The following KLB variants were observed in gnomAD, a reference collection of about 807,000 sequenced individuals.
KLB encodes the protein beta-klotho.
KLB carries 44 observed loss-of-function variants against 88.4 expected under a neutral mutation model. That is an observed-to-expected ratio of 0.50 (90% CI 0.39 to 0.64). KLB has a LOEUF of 0.64. Among genes scored for constraint, KLB ranks in the 30% least tolerant of loss-of-function variants. The probability of loss-of-function intolerance (pLI) is 0.00; values close to 1 mark genes in which losing one functional copy is unlikely to be tolerated. For synonymous variants in KLB, 548 were observed against 513.4 expected, an observed-to-expected ratio of 1.07 and a Z score of -0.91; for missense variants, 1,137 against 1,304.8, an observed-to-expected ratio of 0.87 and a Z score of 1.98.
chr4:39,446,315 G>A lies in KLB; in HGVS notation c.1606-17G>A. On this transcript the variant is annotated splice_polypyrimidine_tract_variant and intron_variant, in intron 3 of 4. Coordinates refer to ENST00000257408, the MANE Select transcript of KLB (RefSeq NM_175737.4). This position sits in a 1 kb window ranked among gnomAD's most constrained non-coding sequence, Gnocchi z 6.4. ...CTGCCAGCGCATGCTTGACCTAAAT[G>A]AGCTTGTTTTTCACAGCCCGAGTCT... 6.2e-7 allele frequency: 1 copy of A among 1,606,566 alleles called. No individual in the cohort carries two copies. The highest frequency in any genetic ancestry group is 8.5e-7 in the Non-Finnish European group (1 of 1,176,386).
At chr4:39,407,815 C>A in intron 1 of KLB, 41 bp downstream of exon 1, 1 of 1,196,954 alleles carries the variant, frequency 8.4e-7, no homozygotes, top group East Asian at 2.4e-5. Flanking sequence ...TCAGAAAACA[C>A]TAAGAATTTA....
At position 39,446,830 on chromosome 4, in the gene KLB, A is replaced by G. The variant is rs746695765; in HGVS notation, c.2104A>G (p.Asn702Asp). 1.9e-5 allele frequency: 30 copies of G among 1,612,698 alleles called. No homozygotes were observed. Among genetic ancestry groups the G allele is most frequent in the Middle Eastern group, 1.6e-4 (1 of 6,082 alleles). The change falls in exon 4 of 5, where the codon AAC (asparagine) becomes GAC (aspartate). Residue 702 changes from asparagine to aspartate, a missense_variant. By Grantham distance (23) the Asn-to-Asp change is conservative. Coordinates refer to ENST00000257408, the MANE Select transcript of KLB (RefSeq NM_175737.4). This position sits in a 1 kb window ranked among gnomAD's most constrained non-coding sequence, Gnocchi z 6.4. ...GCCTAACCGGCTAAGTGACATCTACAACCGCTCTGGCAACGACACCTACGG... is the reference window on the plus strand; with the variant it reads ...GCCTAACCGGCTAAGTGACATCTACGACCGCTCTGGCAACGACACCTACGG... ...NEPNRLSDIY[N>D]RSGNDTYGAA...
At chr4:39,425,356 AT>A (rs1201076628) in intron 1 of KLB, among the ~76,000 whole-genome samples, 2 of 152,396 alleles carry the variant, frequency 1.3e-5, no homozygotes, top group African/African-American at 2.4e-5. Context: ...AGGAACAAAT[AT>A]GCTAGAGTTT....
intron 2 of KLB, 109 bp downstream of exon 2, chr4:39,434,829 C>G: frequency 1.2e-6 from 1 of 850,080 alleles, no homozygotes. Context: ...TTTTTTGAAA[C>G]GGAGTTTCTC....
In KLB at chr4:39,451,170, A is replaced by T. The variant is rs1441893350; in HGVS notation, c.*2484A>T. 6.6e-6 allele frequency: 1 copy of T among 152,198 alleles called. No homozygotes were observed. Among genetic ancestry groups the T allele is most frequent in the African/African-American group, 2.4e-5 (1 of 41,452 alleles). 9.4% of individuals were successfully genotyped at this position (152,198 alleles called of 1,614,324 possible). A position where few individuals can be genotyped will look rare whatever the true frequency, so the allele number is the denominator to read the frequency against. On this transcript the variant is annotated 3_prime_UTR_variant, in exon 5 of 5. Coordinates refer to ENST00000257408, the MANE Select transcript of KLB (RefSeq NM_175737.4). ...TCGCACAAGAATCCAAAAACCCTTA[A>T]ATTTTTTAACCACTGGCAAATATGT...
intron 1 of KLB, among the ~76,000 whole-genome samples, chr4:39,428,229 C>G (rs942418651): frequency 6.6e-6 from 1 of 152,116 alleles, no homozygotes; most frequent in Non-Finnish European, 1.5e-5. Flanking sequence ...GAGTTCAAGA[C>G]CAGCTTGGCC....
Position 39,448,303 on chromosome 4 carries a change from T to C in KLB, c.2752T>C (p.Tyr918His), listed in dbSNP as rs1311586223. 1.9e-6 allele frequency: 3 copies of C among 1,579,364 alleles called. No individual in the cohort carries two copies. The highest frequency in any genetic ancestry group is 1.7e-6 in the Non-Finnish European group (2 of 1,160,376). The stretch of plus-strand genomic sequence containing the variant: ...TGTTAATTTCTTATCTTTTTCAGCA[T>C]ACCTGATTGATAAAGTCAGAATCAA... The part of the protein sequence containing the change: ...GKYLQEVLKA[Y>H]LIDKVRIKGY... The change falls in exon 5 of 5, where the codon TAC becomes CAC. Residue 918 changes from tyrosine (Y) to histidine (H), a missense_variant and splice_region_variant. Coordinates refer to ENST00000257408, the MANE Select transcript of KLB (RefSeq NM_175737.4).
chr4:39,433,913 A>G (rs774058328), intron 1 of KLB, among the ~76,000 whole-genome samples: 1 of 152,166 alleles, frequency 6.6e-6, no homozygotes, highest in Non-Finnish European at 1.5e-5. Flanking sequence ...CTTCTTATGT[A>G]GAGGAGGAAA....
chr4:39,419,009 A>G (rs1257705323), intron 1 of KLB, among the ~76,000 whole-genome samples: 3 of 152,032 alleles, frequency 2.0e-5, no homozygotes, highest in Admixed American at 1.3e-4. Flanking sequence ...ATTATTATAG[A>G]TGTTTTAAAC....
At chr4:39,411,163 C>T (rs1163579397) in intron 1 of KLB, among the ~76,000 whole-genome samples, 1 of 151,770 alleles carries the variant, frequency 6.6e-6, no homozygotes, top group Non-Finnish European at 1.5e-5. Context: ...AAGCGGGAGC[C>T]TCAGCCTCCC....
intron 3 of KLB, among the ~76,000 whole-genome samples, chr4:39,442,457 A>G (rs916270924): frequency 5.6e-5 from 8 of 142,916 alleles, no homozygotes; most frequent in African/African-American, 7.9e-5. Context: ...TTTTTGAGAC[A>G]GAGCCTTGCT....
At position 39,437,541 on chromosome 4, in the gene KLB, A is replaced by G. The variant is rs141272102; in HGVS notation, c.1337-186A>G. Among the ~76,000 whole-genome samples the G allele has an allele frequency of 1.9e-3, 290 of 152,334 alleles. 2 individuals carry two copies. Among genetic ancestry groups the G allele is most frequent in the African/African-American group, 6.5e-3 (271 of 41,566 alleles). On this transcript the variant is annotated intron_variant, in intron 2 of 4. Coordinates refer to ENST00000257408, the MANE Select transcript of KLB (RefSeq NM_175737.4). ...GGAGTGGGGGGATCAGGAGATACCAATCTGGATGATAGTAATTGCCACTTT... is the reference window on the plus strand; with the variant it reads ...GGAGTGGGGGGATCAGGAGATACCAGTCTGGATGATAGTAATTGCCACTTT...
intron 1 of KLB, among the ~76,000 whole-genome samples, chr4:39,427,574 G>A (rs566812735): frequency 6.6e-6 from 1 of 151,914 alleles, no homozygotes; most frequent in Non-Finnish European, 1.5e-5. Flanking sequence ...ATCCCAAAAG[G>A]ACAACGAGTA....
At chr4:39,430,785 A>C (rs1743340949) in intron 1 of KLB, among the ~76,000 whole-genome samples, 1 of 146,670 alleles carries the variant, frequency 6.8e-6, no homozygotes, top group Non-Finnish European at 1.5e-5. Flanking sequence ...ATTTTTTTTT[A>C]GTAGAGAAGA....
chr4:39,409,178 T>C (rs1024067153), intron 1 of KLB, among the ~76,000 whole-genome samples: 14 of 152,106 alleles, frequency 9.2e-5, no homozygotes, highest in African/African-American at 2.4e-4. Context: ...GTGGGTATAC[T>C]GTGATTTGAC....
chr4:39,446,646 C>A lies in KLB; in HGVS notation c.1920C>A (p.Thr640=), dbSNP rs768449052. Residue 640 remains threonine, a synonymous_variant, in exon 4 of 5, where the codon ACC becomes ACA. Transcript: ENST00000257408. This position sits in a 1 kb window ranked among gnomAD's most constrained non-coding sequence, Gnocchi z 6.4. ...AGCTTGGCATCTCCGCGATGGTCACCCTGTATTATCCGACCCACGCCCACC... is the reference window on the plus strand; with the variant it reads ...AGCTTGGCATCTCCGCGATGGTCACACTGTATTATCCGACCCACGCCCACC... ...GLKLGISAMV[T]LYYPTHAHLG... is the part of the protein sequence containing the mutation. 10 of 1,612,928 alleles carry A rather than the reference C, an allele frequency of 6.2e-6. No homozygotes were observed. In the African/African-American group the frequency reaches 1.2e-4, roughly 19 times the overall value.
chr4:39,411,565 G>C (rs1475020240), intron 1 of KLB, among the ~76,000 whole-genome samples: 1 of 149,106 alleles, frequency 6.7e-6, no homozygotes, highest in African/African-American at 2.5e-5. Flanking sequence ...TGTCACCCAG[G>C]CTGGCGTGCA....
At chr4:39,443,287 C>T (rs1743653575) in intron 3 of KLB, among the ~76,000 whole-genome samples, 1 of 151,698 alleles carries the variant, frequency 6.6e-6, no homozygotes, top group Non-Finnish European at 1.5e-5. Context: ...CTTTGAGAGG[C>T]CGATGTGGGT....
chr4:39,447,809 C>T (rs559989449), intron 4 of KLB, among the ~76,000 whole-genome samples: 11 of 152,240 alleles, frequency 7.2e-5, no homozygotes, highest in Non-Finnish European at 1.3e-4. Flanking sequence ...TGTGGGTAAA[C>T]AGGTGTATAA....
Sources: allele counts gnomAD v4.1 joint callset (sites outside exome capture counted in the v4.1 genomes callset), GRCh38; gene constraint gnomAD v4.1.1; non-coding constraint Gnocchi (gnomAD v3.1); transcripts MANE v1.5; gene names NCBI Gene and HGNC (gene_info 2026-07-23, HGNC 2026-07-21).